Variants in MORN5 observed in about 807,000 individuals in gnomAD.
The protein encoded by MORN5 is MORN repeat containing 5, also known as MORN repeat-containing protein 5.
MORN5 carries 21 observed loss-of-function variants against 22.1 expected under a neutral mutation model. That is an observed-to-expected ratio of 0.95 (90% CI 0.67 to 1.37). The LOEUF (loss-of-function observed/expected upper bound fraction) is 1.37, where lower values mean the gene tolerates loss of function less well. Ranked by LOEUF, MORN5 falls within the 40% of genes most tolerant of loss-of-function variation. MORN5 has a pLI of 0.00. For synonymous variants in MORN5, 73 were observed against 74.0 expected, an observed-to-expected ratio of 0.99 and a Z score of 0.07; for missense variants, 211 against 215.1, an observed-to-expected ratio of 0.98 and a Z score of 0.12.
chr9:122,170,164 G>A (rs1200647143), intron 3 of MORN5, among the ~76,000 whole-genome samples: 1 of 152,048 alleles, frequency 6.6e-6, no homozygotes, highest in Non-Finnish European at 1.5e-5. Context: ...CGGGTGTGGT[G>A]GCATGCCTGT....
intron 1 of MORN5, among the ~76,000 whole-genome samples, chr9:122,165,908 G>C (rs1347422473): frequency 6.6e-6 from 1 of 152,194 alleles, no homozygotes; most frequent in Admixed American, 6.5e-5. Context: ...GAAAGTATCT[G>C]TATTAGTCTG....
At chr9:122,188,519 C>T (rs1470990094) in intron 4 of MORN5, among the ~76,000 whole-genome samples, 4 of 152,220 alleles carry the variant, frequency 2.6e-5, no homozygotes, top group Admixed American at 6.5e-5. Context: ...TCCCGCCTGC[C>T]GGGGCCCCTT....
chr9:122,196,720 C>T (rs1829900884), intron 4 of MORN5, among the ~76,000 whole-genome samples: 1 of 152,256 alleles, frequency 6.6e-6, no homozygotes, highest in Admixed American at 6.5e-5. Flanking sequence ...GAGAAACTCT[C>T]TCATCCCACT....
intron 4 of MORN5, among the ~76,000 whole-genome samples, chr9:122,176,007 A>G (rs1962031): frequency 0.47 from 70,548 of 151,400 alleles, 17,155 homozygotes; most frequent in Non-Finnish European, 0.51. Context: ...CCACCTACTC[A>G]GGAGGCAGGA....
chr9:122,189,198 G>GA lies in MORN5; in HGVS notation c.440-10674dup, dbSNP rs757083763. Reference sequence around the variant, plus strand: ...TGACAGAGCGAGACTCCATCTGGAGGAAAAAAAAAAAAAGATATGTATGTT... The same window carrying GA: ...TGACAGAGCGAGACTCCATCTGGAGGAAAAAAAAAAAAAAGATATGTATGTT... On this transcript the variant is annotated intron_variant, in intron 4 of 4. Transcript: ENST00000373764. 2.2e-3 allele frequency among the ~76,000 whole-genome samples: 300 copies of GA among 139,482 alleles called. 1 individual carries two copies. The highest frequency in any genetic ancestry group is 4.0e-3 in the African/African-American group (151 of 38,194). 91.5% of individuals were successfully genotyped at this position (139,482 alleles called of 152,430 possible).
At chr9:122,170,032 CTA>C (rs915516366) in intron 3 of MORN5, among the ~76,000 whole-genome samples, 1 of 152,152 alleles carries the variant, frequency 6.6e-6, no homozygotes, top group African/African-American at 2.4e-5. Context: ...GGCGTGGTGA[CTA>C]TGCCTGTAAT....
chr9:122,174,194 G>A (rs1829409103), intron 3 of MORN5, among the ~76,000 whole-genome samples: 1 of 152,162 alleles, frequency 6.6e-6, no homozygotes, highest in African/African-American at 2.4e-5. Context: ...CTCAGGGTCT[G>A]TCTAACTTCA....
rs775334257 is a variant in MORN5 at position 122,166,933 on chromosome 9, C to A, written c.195+18C>A. 6.2e-7 allele frequency: 1 copy of A among 1,607,006 alleles called. No homozygotes were observed. The highest frequency in any genetic ancestry group is 8.5e-7 in the Non-Finnish European group (1 of 1,176,232). ...CCATAAAGGTGATCAGCTGGGGGGA[C>A]GGATGCTGTGGAGGAGAGATCCTCA... is the stretch of plus-strand genomic sequence containing the variant. On this transcript the variant is annotated intron_variant, in intron 2 of 4. Coordinates refer to ENST00000373764, the MANE Select transcript of MORN5 (RefSeq NM_198469.4).
intron 1 of MORN5, among the ~76,000 whole-genome samples, chr9:122,160,441 G>T (rs1450017627): frequency 6.6e-6 from 1 of 152,184 alleles, no homozygotes; most frequent in African/African-American, 2.4e-5. Flanking sequence ...TTCCTTCCAG[G>T]AGGAGTTCAC....
At chr9:122,196,262 A>G (rs1425273829) in intron 4 of MORN5, among the ~76,000 whole-genome samples, 1 of 149,842 alleles carries the variant, frequency 6.7e-6, no homozygotes, top group Non-Finnish European at 1.5e-5. Context: ...CCCAGCCAAA[A>G]TATCTTATTT....
In MORN5 at chr9:122,199,941, G is replaced by A. The variant is rs764028171; in HGVS notation, c.*10G>A. On this transcript the variant is annotated 3_prime_UTR_variant, in exon 5 of 5. Coordinates refer to ENST00000373764, the MANE Select transcript of MORN5 (RefSeq NM_198469.4). ...CTGTCGAAAGGGCTAGGATGAGATC[G>A]TGGGTCACAGGCCCGAGCCGTGAAC... The A allele has an allele frequency of 4.3e-6, 7 of 1,613,832 alleles. No individual in the cohort carries two copies. The highest frequency in any genetic ancestry group is 1.1e-5 in the South Asian group (1 of 91,076).
Position 122,162,654 on chromosome 9 carries a change from C to T in MORN5, c.47+2635C>T, listed in dbSNP as rs566234768. On this transcript the variant is annotated intron_variant, in intron 1 of 4. Coordinates refer to ENST00000373764, the MANE Select transcript of MORN5 (RefSeq NM_198469.4). ...CTACTCAGCAATAAAAAGGAGTGAA[C>T]TATTGGTACACAGAACAACATGAAT... 2.2e-4 allele frequency among the ~76,000 whole-genome samples: 34 copies of T among 152,132 alleles called. No homozygotes were observed. The South Asian group carries it at 6.9e-3, about 31-fold the overall frequency.
At chr9:122,176,906 T>G (rs1414031028) in intron 4 of MORN5, among the ~76,000 whole-genome samples, 1 of 151,930 alleles carries the variant, frequency 6.6e-6, no homozygotes, top group Non-Finnish European at 1.5e-5. Flanking sequence ...TGGAAAGAAT[T>G]TAGTATCAGG....
chr9:122,189,716 C>T (rs567388876), intron 4 of MORN5, among the ~76,000 whole-genome samples: 106 of 152,256 alleles, frequency 7.0e-4, no homozygotes, highest in African/African-American at 2.5e-3. Flanking sequence ...ACGCCATTCT[C>T]CTGCCTCAGC....
At chr9:122,184,905 A>G (rs1829589774) in intron 4 of MORN5, among the ~76,000 whole-genome samples, 1 of 151,978 alleles carries the variant, frequency 6.6e-6, no homozygotes, top group Non-Finnish European at 1.5e-5. Context: ...TTACTAGTGC[A>G]AGAAAGAAAG....
rs143439851 is a variant in MORN5, at chr9:122,194,553, A to T, written c.440-5332A>T. On this transcript the variant is annotated intron_variant, in intron 4 of 4. Coordinates refer to ENST00000373764, the MANE Select transcript of MORN5 (RefSeq NM_198469.4). The stretch of plus-strand genomic sequence containing the variant: ...GATGCCGAGAAGGGGGTGCATAGGG[A>T]ATATTTGTTGATGGCAATTGACACA... Among the ~76,000 whole-genome samples the T allele has an allele frequency of 2.3e-4, 35 of 152,248 alleles. 1 individual carries two copies. Among genetic ancestry groups the T allele is most frequent in the African/African-American group, 8.4e-4 (35 of 41,550 alleles).
chr9:122,179,161 A>G (rs1829498134), intron 4 of MORN5, among the ~76,000 whole-genome samples: 1 of 152,202 alleles, frequency 6.6e-6, no homozygotes. Flanking sequence ...TTGGGAGAAG[A>G]CATGTCATAA....
chr9:122,181,681 C>T (rs541806269), intron 4 of MORN5, among the ~76,000 whole-genome samples: 30 of 152,132 alleles, frequency 2.0e-4, no homozygotes, highest in African/African-American at 7.2e-4. Flanking sequence ...GGAATCCATG[C>T]CTCAGGCTGG....
chr9:122,174,027 A>G (rs141930855), intron 3 of MORN5, among the ~76,000 whole-genome samples: 9 of 152,256 alleles, frequency 5.9e-5, no homozygotes, highest in African/African-American at 2.2e-4. Context: ...CACCTGATCC[A>G]TTTCTTTTCT....
Sources: gnomAD v4.1 joint callset for allele counts (sites outside exome capture counted in the v4.1 genomes callset) on GRCh38, gnomAD v4.1.1 for gene constraint, MANE v1.5 for transcripts, NCBI Gene and HGNC (gene_info 2026-07-23, HGNC 2026-07-21) for gene names.